Variants in ZNF730 observed in about 807,000 individuals in gnomAD.
ZNF730 encodes the protein zinc finger protein 730.
A neutral mutation model predicts 12.6 loss-of-function variants in ZNF730; 12 were observed. That is an observed-to-expected ratio of 0.95 (90% CI 0.61 to 1.54). The LOEUF is 1.54. Among genes scored for constraint, ZNF730 ranks in the 40% most tolerant of loss-of-function variants. ZNF730 has a pLI of 0.00. For missense variants in ZNF730, 643 were observed against 583.5 expected (o/e 1.10, Z -1.05); for synonymous variants, 194 against 195.8 (o/e 0.99, Z 0.08).
chr19:23,102,933 A>G (rs753391231), intron 1 of ZNF730, among the ~76,000 whole-genome samples: 1 of 152,190 alleles, frequency 6.6e-6, no homozygotes, highest in East Asian at 1.9e-4. Flanking sequence ...TTTCTTTTAT[A>G]CTATATAAAT....
chr19:23,119,490 T>G (rs1970572128), intron 1 of ZNF730, among the ~76,000 whole-genome samples: 1 of 152,196 alleles, frequency 6.6e-6, no homozygotes, highest in Non-Finnish European at 1.5e-5. Context: ...AGCCTGAAGT[T>G]TCCTTTTTTT....
At chr19:23,095,281 G>A (rs186580651) in intron 1 of ZNF730, 18 of 397,932 alleles carry the variant, frequency 4.5e-5, no homozygotes, top group South Asian at 3.9e-4. Flanking sequence ...GTGTAATATC[G>A]TTGGGCCTCA....
At chr19:23,119,996 T>C (rs114349408) in intron 1 of ZNF730, among the ~76,000 whole-genome samples, 1,920 of 149,454 alleles carry the variant, frequency 0.013, 42 homozygotes, top group African/African-American at 0.043. Context: ...TTCTTTCTTT[T>C]TTTTTTTTTT....
intron 1 of ZNF730, among the ~76,000 whole-genome samples, chr19:23,108,938 C>T (rs576207426): frequency 2.2e-4 from 34 of 152,050 alleles, no homozygotes; most frequent in Admixed American, 9.8e-4. Flanking sequence ...TTAGTAGAGA[C>T]GGGGTTTTGC....
Position 23,110,403 on chromosome 19 carries a change from A to G in ZNF730, c.-93-23677A>G, listed in dbSNP as rs868180154. 3.0e-4 allele frequency among the ~76,000 whole-genome samples: 43 copies of G among 142,844 alleles called. 1 individual carries two copies. The highest frequency in any genetic ancestry group is 7.1e-4 in the African/African-American group (27 of 37,884). 93.7% of individuals were successfully genotyped at this position (142,844 alleles called of 152,430 possible). On this transcript the variant is annotated intron_variant, in intron 1 of 2. Transcript: ENST00000593635. ...GCGATTCTCCTGCCTCAGCCTCCCA[A>G]GTAGCTGAGATTACAGGCATGCACC...
rs1970822494 is a variant in ZNF730, at chr19:23,135,803, G to A, written c.131-145G>A. The A allele has an allele frequency of 4.2e-5, 29 of 695,280 alleles. 2 individuals are homozygous for A. In the South Asian group the frequency reaches 6.6e-4, roughly 16 times the overall value. The allele number at this position is 695,280 out of a possible 1,614,324, so 43.1% of individuals were successfully genotyped here. On this transcript the variant is annotated intron_variant, in intron 2 of 3. Coordinates refer to ENST00000597761, the MANE Select transcript of ZNF730 (RefSeq NM_001277403.2). Reference sequence around the variant, plus strand: ...TGGTATTAAAGGCATGAGCCACCGTGCCTGGTCTATTTAGAAAATTTTTAT... The same window carrying A: ...TGGTATTAAAGGCATGAGCCACCGTACCTGGTCTATTTAGAAAATTTTTAT...
intron 1 of ZNF730, among the ~76,000 whole-genome samples, chr19:23,110,591 C>T (rs1339159065): frequency 6.6e-6 from 1 of 152,178 alleles, no homozygotes; most frequent in Non-Finnish European, 1.5e-5. Context: ...TCTTTATAAC[C>T]ATTTTAAGTC....
intron 1 of ZNF730, chr19:23,127,370 A>T: frequency 1.3e-6 from 1 of 752,668 alleles, no homozygotes; most frequent in Middle Eastern, 3.0e-4. Flanking sequence ...TTCATGCATC[A>T]CAACTGTGTT....
At position 23,146,678 on chromosome 19, in the gene ZNF730, C is replaced by A; in HGVS notation, c.*122C>A. 1.3e-6 allele frequency: 2 copies of A among 1,496,838 alleles called. No homozygotes were observed. The highest frequency in any genetic ancestry group is 2.3e-5 in the East Asian group (1 of 44,176). 92.7% of individuals were successfully genotyped at this position (1,496,838 alleles called of 1,614,324 possible). On this transcript the variant is annotated 3_prime_UTR_variant, in exon 4 of 4. Transcript: ENST00000597761. Reference sequence around the variant, plus strand: ...TGTGGCAAAGCTTTTAACCAGTCCTCAAATCTTACTAAACATAAGGTAATT... The same window carrying A: ...TGTGGCAAAGCTTTTAACCAGTCCTAAAATCTTACTAAACATAAGGTAATT...
chr19:23,081,413 G>A lies in ZNF730; in HGVS notation c.-94+6026G>A, dbSNP rs527271296. On this transcript the variant is annotated intron_variant, in intron 1 of 2. Transcript: ENST00000593635. ...TAGCTTACTGCAACCTCCGCCTCCC[G>A]GGTTCAAGCGATTCTCCTGCCTCAG... Among the ~76,000 whole-genome samples the A allele has an allele frequency of 2.6e-5, 4 of 151,898 alleles. No individual in the cohort carries two copies. The East Asian group carries it at 7.8e-4, about 30-fold the overall frequency.
At chr19:23,086,436 T>G (rs902625014) in intron 1 of ZNF730, among the ~76,000 whole-genome samples, 1 of 152,150 alleles carries the variant, frequency 6.6e-6, no homozygotes, top group African/African-American at 2.4e-5. Flanking sequence ...TAGTTTTGGG[T>G]TTTTCATTTA....
Position 23,146,130 on chromosome 19 carries a change from T to C in ZNF730, c.1086T>C (p.His362=), listed in dbSNP as rs1971005594. 3 of 1,609,266 alleles carry C rather than the reference T, an allele frequency of 1.9e-6. No homozygotes were observed. The African/African-American group carries it at 4.0e-5, about 22-fold the overall frequency. ...CCCTTAATAGACATAAGATAACTCA[T>C]ACTGGAGGGAAACCCTACAAATATA... ...SSTLNRHKIT[H]TGGKPYKYKE... Residue 362 remains histidine (H), a synonymous_variant, in exon 4 of 4, where the codon CAT becomes CAC. Coordinates refer to ENST00000597761, the MANE Select transcript of ZNF730 (RefSeq NM_001277403.2).
intron 1 of ZNF730, among the ~76,000 whole-genome samples, chr19:23,111,863 G>A (rs1429663678): frequency 6.6e-6 from 1 of 152,226 alleles, no homozygotes; most frequent in Non-Finnish European, 1.5e-5. Flanking sequence ...GAAAAAATAT[G>A]TTGGCCATTT....
chr19:23,128,926 A>G (rs936517581), intron 1 of ZNF730, among the ~76,000 whole-genome samples: 1 of 152,142 alleles, frequency 6.6e-6, no homozygotes, highest in Non-Finnish European at 1.5e-5. Flanking sequence ...CCTGTATTCC[A>G]GCCACTACAG....
chr19:23,106,524 G>T (rs1970394131), intron 1 of ZNF730, among the ~76,000 whole-genome samples: 1 of 152,154 alleles, frequency 6.6e-6, no homozygotes, highest in Non-Finnish European at 1.5e-5. Context: ...AGGCATGGTT[G>T]CTCATGCCTG....
At chr19:23,136,221 TG>T (rs1568316142) in intron 3 of ZNF730, 178 bp downstream of exon 3, 1 of 374,754 alleles carries the variant, frequency 2.7e-6, no homozygotes, top group East Asian at 6.0e-5. Flanking sequence ...AAGCATCTTT[TG>T]TTTTATCTTT....
At chr19:23,098,871 C>T (rs1970294478) in intron 1 of ZNF730, among the ~76,000 whole-genome samples, 1 of 152,102 alleles carries the variant, frequency 6.6e-6, no homozygotes, top group African/African-American at 2.4e-5. Flanking sequence ...TACTTTGTAC[C>T]AGCCAATAGA....
upstream of ZNF730, among the ~76,000 whole-genome samples, chr19:23,113,481 C>G (rs545726158): frequency 1.6e-4 from 25 of 152,204 alleles, no homozygotes; most frequent in East Asian, 1.5e-3. Flanking sequence ...AACAAAGACC[C>G]TAAATAATGG....
intron 1 of ZNF730, among the ~76,000 whole-genome samples, chr19:23,086,303 T>C (rs1429198404): frequency 2.6e-5 from 4 of 152,232 alleles, no homozygotes; most frequent in Non-Finnish European, 5.9e-5. Flanking sequence ...AGAAGCTCTT[T>C]AGTTTAATTA....
Sources: gnomAD v4.1 joint callset for allele counts (sites outside exome capture counted in the v4.1 genomes callset) on GRCh38, gnomAD v4.1.1 for gene constraint, MANE v1.5 for transcripts, NCBI Gene and HGNC (gene_info 2026-07-23, HGNC 2026-07-21) for gene names.